ADAMTS2: variants seen among roughly 807,000 people sequenced by gnomAD.
ADAMTS2 encodes the protein ADAM metallopeptidase with thrombospondin type 1 motif 2, also known as A disintegrin and metalloproteinase with thrombospondin motifs 2.
Under a neutral mutation model 123.0 loss-of-function variants are expected in ADAMTS2, and 50 were observed. The observed-to-expected ratio is 0.41, with a 90% CI of 0.32 to 0.51. The LOEUF is 0.51. Ranked by LOEUF, ADAMTS2 falls within the 20% of genes least tolerant of loss-of-function variation. The probability of loss-of-function intolerance (pLI) is 0.35; values close to 1 mark genes in which losing one functional copy is unlikely to be tolerated. For synonymous variants in ADAMTS2, 678 were observed against 695.4 expected (o/e 0.98, Z 0.39); for missense variants, 1,494 against 1,705.2 (o/e 0.88, Z 2.18).
In ADAMTS2 at chr5:179,234,976, C is replaced by G. The variant is rs1042552096; in HGVS notation, c.689-27261G>C. On this transcript the variant is annotated intron_variant, in intron 3 of 21. Transcript: ENST00000251582. This position sits in a 1 kb window ranked among gnomAD's most constrained non-coding sequence, Gnocchi z 4.7. ...CTGCCAACCCTCCCAGGGACCTGCT[C>G]ATGTTCCCGCAACGCCCTTACAGCC... is the stretch of plus-strand genomic sequence containing the variant. Among the ~76,000 whole-genome samples the G allele has an allele frequency of 2.6e-5, 4 of 152,230 alleles. No individual in the cohort carries two copies. The highest frequency in any genetic ancestry group is 9.6e-5 in the African/African-American group (4 of 41,470).
At chr5:179,342,887 T>A (rs1173312213) in intron 2 of ADAMTS2, among the ~76,000 whole-genome samples, 3 of 152,154 alleles carry the variant, frequency 2.0e-5, no homozygotes, top group Admixed American at 6.5e-5. Flanking sequence ...CCTCCTGCCC[T>A]CTCCAGGAAG....
rs139392474 is a variant in ADAMTS2 at position 179,234,989 on chromosome 5, C to T, written c.689-27274G>A. Among the ~76,000 whole-genome samples, 148 of 152,342 alleles carry T rather than the reference C, an allele frequency of 9.7e-4. No individual in the cohort carries two copies. In the East Asian group the frequency reaches 0.02, roughly 21 times the overall value. On this transcript the variant is annotated intron_variant, in intron 3 of 21. Transcript: ENST00000251582. The surrounding 1 kb of genome is among the most constrained non-coding windows in gnomAD (Gnocchi z 4.7). ...CAGGGACCTGCTCATGTTCCCGCAA[C>T]GCCCTTACAGCCATGGGTCCGAGAA...
At chr5:179,333,368 G>A (rs534471333) in intron 2 of ADAMTS2, among the ~76,000 whole-genome samples, 17 of 152,280 alleles carry the variant, frequency 1.1e-4, no homozygotes, top group Non-Finnish European at 1.6e-4. Context: ...CACAGCCCTC[G>A]CTAGTGAGCA....
intron 2 of ADAMTS2, among the ~76,000 whole-genome samples, chr5:179,289,959 C>A (rs1756137661): frequency 6.6e-6 from 1 of 152,230 alleles, no homozygotes; most frequent in Admixed American, 6.5e-5. Context: ...GGGAGAGACA[C>A]AACAACTAAA....
intron 2 of ADAMTS2, among the ~76,000 whole-genome samples, chr5:179,293,619 G>GTT (rs759281262): frequency 2.0e-5 from 3 of 151,924 alleles, no homozygotes; most frequent in Non-Finnish European, 4.4e-5. Context: ...GGTTTTGTTT[G>GTT]TTTGTTTTTC....
chr5:179,297,632 T>C (rs1756379203), intron 2 of ADAMTS2, among the ~76,000 whole-genome samples: 2 of 152,108 alleles, frequency 1.3e-5, no homozygotes, highest in Non-Finnish European at 2.9e-5. Flanking sequence ...CCTTGCATCA[T>C]GGGGCATAAT....
chr5:179,162,644 G>T lies in ADAMTS2; in HGVS notation c.976-3765C>A, dbSNP rs754136603. Among the ~76,000 whole-genome samples the T allele has an allele frequency of 6.6e-5, 10 of 152,210 alleles. No homozygotes were observed. The highest frequency in any genetic ancestry group is 1.3e-4 in the Non-Finnish European group (9 of 68,026). The stretch of plus-strand genomic sequence containing the variant: ...GGGACCCAAGAGACAACAAGAGAAG[G>T]CACCTCCCCTACAGAAGCCACAGTC... On this transcript the variant is annotated intron_variant, in intron 5 of 21. Coordinates refer to ENST00000251582, the MANE Select transcript of ADAMTS2 (RefSeq NM_014244.5). This position sits in a 1 kb window ranked among gnomAD's most constrained non-coding sequence, Gnocchi z 5.1.
rs1176158467 is a variant in ADAMTS2, at chr5:179,197,718, A to T, written c.891+9795T>A. 6.6e-6 allele frequency among the ~76,000 whole-genome samples: 1 copy of T among 152,154 alleles called. No individual in the cohort carries two copies. Among genetic ancestry groups the T allele is most frequent in the Non-Finnish European group, 1.5e-5 (1 of 68,034 alleles). ...TGAGACCCTGTCTCAAAAAAGAAAA[A>T]AATGCATATATAAACATATTACTTC... On this transcript the variant is annotated intron_variant, in intron 4 of 21. Transcript: ENST00000251582. This position sits in a 1 kb window ranked among gnomAD's most constrained non-coding sequence, Gnocchi z 4.2.
chr5:179,191,087 C>T (rs1764294559), intron 4 of ADAMTS2, among the ~76,000 whole-genome samples: 1 of 152,264 alleles, frequency 6.6e-6, no homozygotes, highest in East Asian at 1.9e-4. Flanking sequence ...CGGGGAAGGA[C>T]CAGTGCTGCT....
chr5:179,128,972 A>G lies in ADAMTS2; in HGVS notation c.2458-854T>C, dbSNP rs968803928. Among the ~76,000 whole-genome samples, 1 of 152,156 alleles carries G rather than the reference A, an allele frequency of 6.6e-6. No homozygotes were observed. The highest frequency in any genetic ancestry group is 6.5e-5 in the Admixed American group (1 of 15,272). ...TGCAGAAAGAACCCCTGTTTGTGGG[A>G]TGAGAGCAGAAACAAGCAGACAGCG... On this transcript the variant is annotated intron_variant, in intron 16 of 21. Transcript: ENST00000251582. The surrounding 1 kb of genome is among the most constrained non-coding windows in gnomAD (Gnocchi z 4.9).
intron 2 of ADAMTS2, among the ~76,000 whole-genome samples, chr5:179,287,150 C>T (rs1756043864): frequency 6.6e-6 from 1 of 152,118 alleles, no homozygotes; most frequent in African/African-American, 2.4e-5. Flanking sequence ...GCGGGCTGTT[C>T]CTTGGGGAGC....
chr5:179,149,481 G>A lies in ADAMTS2; in HGVS notation c.1629+2661C>T, dbSNP rs530147327. Among the ~76,000 whole-genome samples the A allele has an allele frequency of 5.3e-5, 8 of 152,306 alleles. No individual in the cohort carries two copies. In the South Asian group the frequency reaches 1.0e-3, roughly 20 times the overall value. On this transcript the variant is annotated intron_variant, in intron 10 of 21. Transcript: ENST00000251582. Reference sequence around the variant, plus strand: ...CTGTCCTGGCACCGTGGAAGGCTGCGGCCGGGGCAGACTCTAAGTCACTGG... The same window carrying A: ...CTGTCCTGGCACCGTGGAAGGCTGCAGCCGGGGCAGACTCTAAGTCACTGG...
chr5:179,139,185 C>A (rs551661111), intron 11 of ADAMTS2, among the ~76,000 whole-genome samples: 15 of 151,990 alleles, frequency 9.9e-5, no homozygotes, highest in Admixed American at 1.3e-4. Flanking sequence ...CCATGCCAGC[C>A]CCCCCGGGAC....
In ADAMTS2 at chr5:179,188,936, C is replaced by T. The variant is rs1199198631; in HGVS notation, c.892-7781G>A. Among the ~76,000 whole-genome samples the T allele has an allele frequency of 6.6e-6, 1 of 152,138 alleles. No individual in the cohort carries two copies. Among genetic ancestry groups the T allele is most frequent in the Non-Finnish European group, 1.5e-5 (1 of 68,022 alleles). On this transcript the variant is annotated intron_variant, in intron 4 of 21. Transcript: ENST00000251582. The surrounding 1 kb of genome is among the most constrained non-coding windows in gnomAD (Gnocchi z 5.1). ...CATTACAAACCTTCCCGGGTTTGTACTAACGACGGCAAGAGGCTGCCCCTC... is the reference window on the plus strand; with the variant it reads ...CATTACAAACCTTCCCGGGTTTGTATTAACGACGGCAAGAGGCTGCCCCTC...
At chr5:179,127,172 G>A (rs79338928) in intron 17 of ADAMTS2, among the ~76,000 whole-genome samples, 2,095 of 152,304 alleles carry the variant, frequency 0.014, 25 homozygotes, top group Non-Finnish European at 0.022. Context: ...TGCCAGGACC[G>A]GGGAATGGCC....
At chr5:179,341,778 C>A (rs918185302) in intron 2 of ADAMTS2, among the ~76,000 whole-genome samples, 7 of 151,882 alleles carry the variant, frequency 4.6e-5, no homozygotes, top group African/African-American at 1.7e-4. Context: ...GGCCATTATT[C>A]AGTGACAGCA....
intron 3 of ADAMTS2, among the ~76,000 whole-genome samples, chr5:179,238,711 C>T (rs1057287625): frequency 1.3e-5 from 2 of 152,112 alleles, no homozygotes; most frequent in African/African-American, 2.4e-5. Context: ...ATGGAGGCCA[C>T]GGGGTCCCAG....
chr5:179,161,546 T>G (rs1196185852), intron 5 of ADAMTS2, among the ~76,000 whole-genome samples: 1 of 152,132 alleles, frequency 6.6e-6, no homozygotes, highest in Non-Finnish European at 1.5e-5. Flanking sequence ...GGCAGCGGGC[T>G]GGGGATTGCC....
At position 179,170,394 on chromosome 5, in the gene ADAMTS2, A is replaced by G. The variant is rs2113290665; in HGVS notation, c.975+10678T>C. Among the ~76,000 whole-genome samples the G allele has an allele frequency of 6.6e-6, 1 of 151,948 alleles. No individual in the cohort carries two copies. Among genetic ancestry groups the G allele is most frequent in the East Asian group, 1.9e-4 (1 of 5,140 alleles). Reference sequence around the variant, plus strand: ...CTCACATCCCCCAGAGTCTGTCCCCACCGTGGGGGGGACAGCTCAGCCCCC... The same window carrying G: ...CTCACATCCCCCAGAGTCTGTCCCCGCCGTGGGGGGGACAGCTCAGCCCCC... On this transcript the variant is annotated intron_variant, in intron 5 of 21. Transcript: ENST00000251582. The surrounding 1 kb of genome is among the most constrained non-coding windows in gnomAD (Gnocchi z 4.3).
Sources: allele counts gnomAD v4.1 joint callset (sites outside exome capture counted in the v4.1 genomes callset), GRCh38; gene constraint gnomAD v4.1.1; non-coding constraint Gnocchi (gnomAD v3.1); transcripts MANE v1.5; gene names NCBI Gene and HGNC (gene_info 2026-07-23, HGNC 2026-07-21).